Variants in MLN observed in about 807,000 individuals in gnomAD.
MLN encodes motilin, also known as promotilin.
A neutral mutation model predicts 13.3 loss-of-function variants in MLN; 14 were observed. The observed-to-expected ratio is 1.05, with a 90% confidence interval of 0.69 to 1.64. MLN has a LOEUF of 1.64. Ranked by LOEUF, MLN falls within the 40% of genes most tolerant of loss-of-function variation. The probability of loss-of-function intolerance (pLI) is 0.00; values close to 1 mark genes in which losing one functional copy is unlikely to be tolerated. For synonymous variants in MLN, 59 were observed against 54.7 expected, an observed-to-expected ratio of 1.08 and a Z score of -0.34; for missense variants, 122 against 142.9, an observed-to-expected ratio of 0.85 and a Z score of 0.75.
Position 33,803,150 on chromosome 6 carries a change from C to G in MLN, c.-8+803G>C, listed in dbSNP as rs1760885263. Among the ~76,000 whole-genome samples the G allele has an allele frequency of 6.6e-6, 1 of 152,076 alleles. No homozygotes were observed. The highest frequency in any genetic ancestry group is 6.6e-5 in the Admixed American group (1 of 15,260). On this transcript the variant is annotated intron_variant, in intron 1 of 4. Coordinates refer to ENST00000430124, the MANE Select transcript of MLN (RefSeq NM_002418.3). This position sits in a 1 kb window ranked among gnomAD's most constrained non-coding sequence, Gnocchi z 4.5. ...ACAGTGAGGCACTAACTTTCCTTTC[C>G]CATCATCAGAGATGGGGGGCTTCAA...
intron 4 of MLN, among the ~76,000 whole-genome samples, chr6:33,795,224 C>T (rs1209230836): frequency 3.9e-5 from 6 of 152,180 alleles, no homozygotes; most frequent in Non-Finnish European, 7.3e-5. Context: ...AGGTTCCCTT[C>T]GGAGCAGCCA....
At chr6:33,800,244 T>G (rs902163804) in intron 2 of MLN, among the ~76,000 whole-genome samples, 4 of 152,200 alleles carry the variant, frequency 2.6e-5, no homozygotes, top group South Asian at 2.1e-4. Context: ...GGGTGGAGCA[T>G]GAAAGTCCCT....
intron 3 of MLN, among the ~76,000 whole-genome samples, chr6:33,797,344 C>T (rs573621386): frequency 3.9e-5 from 6 of 152,346 alleles, no homozygotes; most frequent in South Asian, 2.1e-4. Flanking sequence ...CCTCTAACCA[C>T]GGATGACTCC....
At chr6:33,800,982 T>G in intron 2 of MLN, 65 bp downstream of exon 2, 1 of 1,258,464 alleles carries the variant, frequency 7.9e-7, no homozygotes, top group Non-Finnish European at 1.2e-6. Flanking sequence ...CTTTCCTTGG[T>G]ATCACCGGCA....
At chr6:33,801,232 C>G (rs921624738) in intron 1 of MLN, 62 bp from the exon 2 acceptor site, 1 of 1,257,804 alleles carries the variant, frequency 8.0e-7, no homozygotes, top group East Asian at 2.3e-5. Flanking sequence ...CTGCTGTGTC[C>G]GAGGCAGGGG....
chr6:33,801,209 G>C (rs368497614), intron 1 of MLN, 39 bp from the exon 2 acceptor site: 1 of 1,497,214 alleles, frequency 6.7e-7, no homozygotes, highest in Non-Finnish European at 9.3e-7. Context: ...TAAGTTTGGG[G>C]TACAGTGGCA....
chr6:33,794,916 C>T (rs763777274), intron 4 of MLN, 81 bp from the exon 5 acceptor site: 29 of 1,566,186 alleles, frequency 1.9e-5, no homozygotes, highest in Middle Eastern at 1.7e-4. Flanking sequence ...GCCTGCAGGT[C>T]GGAGGGAGGA....
chr6:33,802,274 T>G (rs926342698), intron 1 of MLN, among the ~76,000 whole-genome samples: 7 of 152,158 alleles, frequency 4.6e-5, no homozygotes, highest in African/African-American at 1.4e-4. Context: ...GACTGCTGAG[T>G]GCAGGGGCCA....
chr6:33,802,223 T>C (rs1446864407), intron 1 of MLN, among the ~76,000 whole-genome samples: 1 of 152,148 alleles, frequency 6.6e-6, no homozygotes, highest in Non-Finnish European at 1.5e-5. Context: ...GGGGCAGGCC[T>C]GTTGAATGCA....
chr6:33,800,010 G>A (rs1768008119), intron 2 of MLN, among the ~76,000 whole-genome samples: 1 of 152,196 alleles, frequency 6.6e-6, no homozygotes, highest in South Asian at 2.1e-4. Flanking sequence ...AGGAAAGTGT[G>A]TTGGGGCCTG....
At chr6:33,797,568 C>A (rs1767954915) in intron 3 of MLN, among the ~76,000 whole-genome samples, 1 of 152,236 alleles carries the variant, frequency 6.6e-6, no homozygotes, top group Admixed American at 6.5e-5. Flanking sequence ...GGCCCAAACC[C>A]TTGAAGTCAA....
At chr6:33,797,862 C>T (rs1326858858) in intron 3 of MLN, among the ~76,000 whole-genome samples, 1 of 152,164 alleles carries the variant, frequency 6.6e-6, no homozygotes, top group Non-Finnish European at 1.5e-5. Flanking sequence ...TCAAAACCCC[C>T]AAGGCTCCAC....
chr6:33,798,955 G>T (rs1456004395), intron 3 of MLN, 150 bp downstream of exon 3: 4 of 550,532 alleles, frequency 7.3e-6, no homozygotes, highest in Non-Finnish European at 1.3e-5. Flanking sequence ...TCCCTACGAG[G>T]ATGGAGCTCA....
rs1380315755 is a variant in MLN, at chr6:33,795,442, G to T, written c.337+61C>A. ...GCCACCCTGAAACCCTGCCTCTGGA[G>T]TATTAACGCCAGGGTGGGCGGAGGC... On this transcript the variant is annotated intron_variant, in intron 4 of 4. Coordinates refer to ENST00000430124, the MANE Select transcript of MLN (RefSeq NM_002418.3). 9 of 1,350,802 alleles carry T rather than the reference G, an allele frequency of 6.7e-6. No homozygotes were observed. The African/African-American group carries it at 7.2e-5, about 11-fold the overall frequency. 83.7% of individuals were successfully genotyped at this position (1,350,802 alleles called of 1,614,324 possible).
intron 4 of MLN, among the ~76,000 whole-genome samples, chr6:33,795,068 G>A (rs1001893040): frequency 1.3e-5 from 2 of 152,152 alleles, no homozygotes; most frequent in African/African-American, 4.8e-5. Context: ...TCTCCTCCTG[G>A]GGACTATGAG....
chr6:33,799,165 C>G lies in MLN; in HGVS notation c.174G>C (p.Gly58=). The change falls in exon 3 of 5, where the codon GGG becomes GGC. Residue 58 remains glycine, a synonymous_variant. Coordinates refer to ENST00000430124, the MANE Select transcript of MLN (RefSeq NM_002418.3). The surrounding 1 kb of genome is among the most constrained non-coding windows in gnomAD (Gnocchi z 4.6). ...KKSLSVWQRS[G]EEGPVDPAEP... is the part of the protein sequence containing the mutation. Reference sequence around the variant, plus strand: ...CCGCAGGGTCTACAGGACCTTCCTCCCCAGACCTCTGCCATACACTCAGGG... The same window carrying G: ...CCGCAGGGTCTACAGGACCTTCCTCGCCAGACCTCTGCCATACACTCAGGG... 3 of 1,613,138 alleles carry G rather than the reference C, an allele frequency of 1.9e-6. No homozygotes were observed. Among genetic ancestry groups the G allele is most frequent in the Non-Finnish European group, 2.5e-6 (3 of 1,179,338 alleles).
chr6:33,796,643 C>T (rs948225805), intron 3 of MLN, among the ~76,000 whole-genome samples: 6 of 152,182 alleles, frequency 3.9e-5, no homozygotes, highest in African/African-American at 9.7e-5. Context: ...GCCTCCTAGA[C>T]GCTTGGGGGC....
intron 3 of MLN, among the ~76,000 whole-genome samples, chr6:33,795,962 T>TAA (rs1767908898): frequency 6.8e-6 from 1 of 147,458 alleles, no homozygotes; most frequent in Non-Finnish European, 1.5e-5. Context: ...TTCTAAGCTT[T>TAA]TTTTTTTTTT....
chr6:33,802,170 A>G (rs1162151033), intron 1 of MLN, among the ~76,000 whole-genome samples: 2 of 151,922 alleles, frequency 1.3e-5, no homozygotes, highest in Admixed American at 1.3e-4. Flanking sequence ...CCAATACCCC[A>G]CTCTACGTTG....
Sources: gnomAD v4.1 joint callset for allele counts (sites outside exome capture counted in the v4.1 genomes callset) on GRCh38, gnomAD v4.1.1 for gene constraint, Gnocchi (gnomAD v3.1) non-coding constraint, MANE v1.5 for transcripts, NCBI Gene and HGNC (gene_info 2026-07-23, HGNC 2026-07-21) for gene names.